TCF12: variants seen among roughly 807,000 people sequenced by gnomAD.
TCF12 encodes DNA-binding protein HTF4.
TCF12 carries 45 observed loss-of-function variants against 86.0 expected under a neutral mutation model. The observed-to-expected ratio is 0.52, with a 90% CI of 0.41 to 0.67. The LOEUF is 0.67. TCF12 is among the 30% of genes least tolerant of loss of function. TCF12 has a pLI of 0.00. For missense variants in TCF12, 881 were observed against 859.9 expected (o/e 1.02, Z -0.31); for synonymous variants, 330 against 299.6 (o/e 1.10, Z -1.05).
At position 56,995,577 on chromosome 15, in the gene TCF12, A is replaced by G. The variant is rs2063673479; in HGVS notation, c.149-68173A>G. On this transcript the variant is annotated intron_variant, in intron 3 of 20. Transcript: ENST00000333725. Reference sequence around the variant, plus strand: ...ATATTTTATTTTTGTGGCTATTGTAAATTGGAGTGTGTTCTTGTTTTGGCT... The same window carrying G: ...ATATTTTATTTTTGTGGCTATTGTAGATTGGAGTGTGTTCTTGTTTTGGCT... 4.0e-5 allele frequency among the ~76,000 whole-genome samples: 6 copies of G among 151,776 alleles called. No homozygotes were observed. In the South Asian group the frequency reaches 1.2e-3, roughly 32 times the overall value.
intron 5 of TCF12, among the ~76,000 whole-genome samples, chr15:57,147,703 CAT>C (rs1162480233): frequency 6.6e-6 from 1 of 152,054 alleles, no homozygotes; most frequent in African/African-American, 2.4e-5. Context: ...TCAGTTATCA[CAT>C]ATGTGATAAT....
chr15:56,937,467 AG>A (rs1330648009), intron 3 of TCF12, among the ~76,000 whole-genome samples: 2 of 151,630 alleles, frequency 1.3e-5, no homozygotes, highest in Non-Finnish European at 2.9e-5. Context: ...AGGAGTCTTC[AG>A]GGTTTTCTAA....
At chr15:56,965,710 C>G (rs889995188) in intron 3 of TCF12, among the ~76,000 whole-genome samples, 16 of 152,004 alleles carry the variant, frequency 1.1e-4, no homozygotes, top group African/African-American at 3.9e-4. Context: ...AGAGGAGTGC[C>G]AGGGTTTTTT....
chr15:56,951,368 C>G lies in TCF12; in HGVS notation c.148+30270C>G, dbSNP rs146045599. Among the ~76,000 whole-genome samples, 436 of 152,056 alleles carry G rather than the reference C, an allele frequency of 2.9e-3. 2 individuals are homozygous for G. Among genetic ancestry groups the G allele is most frequent in the Middle Eastern group, 0.01 (3 of 294 alleles). ...CTTGTTTGCTGAAATATCTTCATAT[C>G]TGTTGTCAATTTTAAAAATTAGGTT... On this transcript the variant is annotated intron_variant, in intron 3 of 20. Coordinates refer to ENST00000333725, the MANE Select transcript of TCF12 (RefSeq NM_207037.2).
At chr15:56,984,150 T>G (rs1207767497) in intron 3 of TCF12, among the ~76,000 whole-genome samples, 1 of 152,064 alleles carries the variant, frequency 6.6e-6, no homozygotes, top group Non-Finnish European at 1.5e-5. Context: ...ACCATATATG[T>G]TTCTGGTTGA....
intron 4 of TCF12, among the ~76,000 whole-genome samples, chr15:57,075,832 C>CCTT (rs1567371193): frequency 1.2e-4 from 7 of 56,082 alleles, no homozygotes; most frequent in African/African-American, 4.7e-4. Flanking sequence ...CTCTCTCTCT[C>CCTT]TCTTTTCTTT....
intron 5 of TCF12, among the ~76,000 whole-genome samples, chr15:57,111,983 C>T (rs1002092600): frequency 2.6e-5 from 4 of 152,178 alleles, no homozygotes; most frequent in East Asian, 3.8e-4. Flanking sequence ...GCCCCCTCTC[C>T]ACTTCTTTTA....
intron 6 of TCF12, among the ~76,000 whole-genome samples, chr15:57,173,343 A>G (rs755195443): frequency 1.3e-5 from 2 of 152,248 alleles, no homozygotes; most frequent in Non-Finnish European, 2.9e-5. Context: ...CTAAGAACTT[A>G]GCTAGAAAAA....
chr15:57,181,559 G>C (rs1015491360), intron 6 of TCF12, among the ~76,000 whole-genome samples: 1 of 151,982 alleles, frequency 6.6e-6, no homozygotes, highest in Non-Finnish European at 1.5e-5. Flanking sequence ...ATTAAAAAAA[G>C]GATGTTGGCC....
At chr15:57,246,573 C>G (rs961643401) in intron 13 of TCF12, among the ~76,000 whole-genome samples, 1 of 147,138 alleles carries the variant, frequency 6.8e-6, no homozygotes, top group Non-Finnish European at 1.5e-5. Flanking sequence ...GACCGTCTCT[C>G]TTTTTTTTTT....
At chr15:57,076,956 T>G (rs2070120443) in intron 4 of TCF12, among the ~76,000 whole-genome samples, 1 of 152,206 alleles carries the variant, frequency 6.6e-6, no homozygotes, top group Non-Finnish European at 1.5e-5. Flanking sequence ...GTTAAAAATC[T>G]GTTGGCCATA....
intron 3 of TCF12, among the ~76,000 whole-genome samples, chr15:56,928,904 G>T (rs1377996774): frequency 6.6e-6 from 1 of 152,188 alleles, no homozygotes; most frequent in Non-Finnish European, 1.5e-5. Flanking sequence ...AGAGTCTCTA[G>T]GGTAGAACGT....
chr15:57,148,000 C>G (rs1567515923), intron 5 of TCF12, among the ~76,000 whole-genome samples: 1 of 151,626 alleles, frequency 6.6e-6, no homozygotes, highest in Non-Finnish European at 1.5e-5. Flanking sequence ...TCACCTCAGC[C>G]TTCGAATAGC....
intron 3 of TCF12, among the ~76,000 whole-genome samples, chr15:57,047,358 C>G (rs767524063): frequency 5.3e-5 from 8 of 152,192 alleles, no homozygotes; most frequent in Non-Finnish European, 8.8e-5. Context: ...ATAAATAGTT[C>G]TGTTAAGTTA....
intron 3 of TCF12, among the ~76,000 whole-genome samples, chr15:56,944,086 A>G (rs934589740): frequency 1.2e-4 from 18 of 152,194 alleles, no homozygotes; most frequent in African/African-American, 4.1e-4. Flanking sequence ...ACCATTACCT[A>G]ATGGAAACAA....
intron 19 of TCF12, among the ~76,000 whole-genome samples, chr15:57,277,786 A>C (rs1447853006): frequency 6.6e-6 from 1 of 151,754 alleles, no homozygotes; most frequent in African/African-American, 2.4e-5. Context: ...AAAAAATTTA[A>C]AAATTAGCTG....
chr15:56,960,005 C>G (rs1389324850), intron 3 of TCF12, among the ~76,000 whole-genome samples: 1 of 151,964 alleles, frequency 6.6e-6, no homozygotes, highest in Admixed American at 6.6e-5. Flanking sequence ...CAGTTTTTGC[C>G]TTTTTTAGTT....
At chr15:57,254,264 A>G (rs1352590787) in intron 16 of TCF12, among the ~76,000 whole-genome samples, 1 of 152,202 alleles carries the variant, frequency 6.6e-6, no homozygotes. Context: ...CTTACCTATC[A>G]TCAAAATAAT....
intron 19 of TCF12, among the ~76,000 whole-genome samples, chr15:57,277,255 T>A (rs907733098): frequency 1.3e-5 from 2 of 151,808 alleles, no homozygotes; most frequent in African/African-American, 4.8e-5. Context: ...ATCCCAGGAA[T>A]TTGAGGCTGA....
Sources: gnomAD v4.1 joint callset for allele counts (sites outside exome capture counted in the v4.1 genomes callset) on GRCh38, gnomAD v4.1.1 for gene constraint, MANE v1.5 for transcripts, NCBI Gene and HGNC (gene_info 2026-07-23, HGNC 2026-07-21) for gene names.